The following SPAG16 variants were observed in gnomAD, a reference collection of about 807,000 sequenced individuals.
SPAG16 encodes sperm associated antigen 16.
Under a neutral mutation model 80.4 loss-of-function variants are expected in SPAG16, and 86 were observed. The ratio of observed to expected loss-of-function variants is 1.07; its 90% CI spans 0.90 to 1.28. The LOEUF (loss-of-function observed/expected upper bound fraction) is 1.28, where lower values mean the gene tolerates loss of function less well. Ranked by LOEUF, SPAG16 falls within the 50% of genes most tolerant of loss-of-function variation. SPAG16 has a pLI of 0.00. For missense variants in SPAG16, 870 were observed against 765.3 expected, an observed-to-expected ratio of 1.14 and a Z score of -1.61; for synonymous variants, 294 against 265.9, an observed-to-expected ratio of 1.11 and a Z score of -1.03.
chr2:213,536,110 C>G (rs186638904), intron 10 of SPAG16, among the ~76,000 whole-genome samples: 124 of 152,120 alleles, frequency 8.2e-4, no homozygotes, highest in Admixed American at 1.6e-3. Flanking sequence ...TATTTTGCCT[C>G]TTAAATTTTG....
chr2:214,110,342 G>A (rs1004506056), intron 14 of SPAG16, among the ~76,000 whole-genome samples: 1 of 148,064 alleles, frequency 6.8e-6, no homozygotes, highest in Admixed American at 6.8e-5. Flanking sequence ...CTATGTCCAA[G>A]TGTTCTCATT....
At chr2:214,087,948 T>C (rs779930476) in intron 13 of SPAG16, among the ~76,000 whole-genome samples, 3 of 151,682 alleles carry the variant, frequency 2.0e-5, no homozygotes, top group Non-Finnish European at 4.4e-5. Flanking sequence ...AATTAAAAAA[T>C]AAATGATGCC....
At chr2:214,262,690 G>T (rs905280820) in intron 15 of SPAG16, among the ~76,000 whole-genome samples, 1 of 151,928 alleles carries the variant, frequency 6.6e-6, no homozygotes, top group Non-Finnish European at 1.5e-5. Flanking sequence ...GGTTGACTAA[G>T]TGATTCCAAG....
At chr2:214,324,123 G>A (rs1696304960) in intron 15 of SPAG16, among the ~76,000 whole-genome samples, 1 of 152,110 alleles carries the variant, frequency 6.6e-6, no homozygotes, top group East Asian at 1.9e-4. Context: ...TTAGGACTTT[G>A]CCTCTAGAAT....
intron 10 of SPAG16, among the ~76,000 whole-genome samples, chr2:213,789,548 G>A (rs1483734098): frequency 6.6e-6 from 1 of 151,916 alleles, no homozygotes; most frequent in Non-Finnish European, 1.5e-5. Flanking sequence ...ACCAATTTAT[G>A]TGTTATCTTT....
At chr2:213,994,900 A>G (rs2046444731) in intron 12 of SPAG16, among the ~76,000 whole-genome samples, 1 of 152,336 alleles carries the variant, frequency 6.6e-6, no homozygotes, top group East Asian at 1.9e-4. Context: ...CCACCAGCTC[A>G]CTATCTTATT....
intron 10 of SPAG16, among the ~76,000 whole-genome samples, chr2:213,680,816 A>G (rs942501120): frequency 1.3e-5 from 2 of 152,236 alleles, no homozygotes; most frequent in African/African-American, 4.8e-5. Context: ...GGCATGAGAC[A>G]TCAGTCAAAT....
intron 15 of SPAG16, among the ~76,000 whole-genome samples, chr2:214,337,841 T>C (rs899964625): frequency 1.3e-5 from 2 of 152,198 alleles, no homozygotes; most frequent in Non-Finnish European, 2.9e-5. Flanking sequence ...TTAGGCTTAG[T>C]GTTAAATATT....
At chr2:213,862,780 T>G in intron 11 of SPAG16, 152 bp downstream of exon 11, 1 of 812,410 alleles carries the variant, frequency 1.2e-6, no homozygotes, top group South Asian at 2.1e-5. Flanking sequence ...AATTCCCCTT[T>G]GGTTTTCAGT....
intron 9 of SPAG16, among the ~76,000 whole-genome samples, chr2:213,480,997 G>A (rs1385100076): frequency 6.6e-6 from 1 of 152,152 alleles, no homozygotes; most frequent in Non-Finnish European, 1.5e-5. Flanking sequence ...TTACAAAAAT[G>A]CGTGCTTATT....
chr2:213,403,537 G>A (rs1341401593), intron 9 of SPAG16, among the ~76,000 whole-genome samples: 2 of 152,074 alleles, frequency 1.3e-5, no homozygotes, highest in Non-Finnish European at 2.9e-5. Flanking sequence ...CAATAAATTA[G>A]GTATTGATGG....
intron 8 of SPAG16, among the ~76,000 whole-genome samples, chr2:213,366,212 T>A (rs1426526329): frequency 7.3e-5 from 11 of 150,864 alleles, no homozygotes; most frequent in African/African-American, 2.4e-4. Flanking sequence ...TATATAAAAT[T>A]AAAGTCCCAA....
chr2:213,444,725 G>A (rs1214561564), intron 9 of SPAG16, among the ~76,000 whole-genome samples: 1 of 150,864 alleles, frequency 6.6e-6, no homozygotes, highest in Admixed American at 6.6e-5. Flanking sequence ...TTTTTCATAG[G>A]AAAAGAAAAA....
intron 10 of SPAG16, among the ~76,000 whole-genome samples, chr2:213,502,409 C>G (rs1237615051): frequency 6.6e-6 from 1 of 152,160 alleles, no homozygotes; most frequent in Non-Finnish European, 1.5e-5. Flanking sequence ...AGGCATGAGC[C>G]ACTGCACCTG....
In SPAG16 at chr2:213,468,482, TATATATATGTATTTATATATAG is replaced by T. The variant is rs1559162898; in HGVS notation, c.943-21472_943-21451del. ...ATATCTCTATGTATTTATATATAGA[TATATATATGTATTTATATATAG>T]ATATATATATATCTATGTATTTATA... On this transcript the variant is annotated intron_variant, in intron 9 of 15. Coordinates refer to ENST00000331683, the MANE Select transcript of SPAG16 (RefSeq NM_024532.5). Among the ~76,000 whole-genome samples, 157 of 121,128 alleles carry T rather than the reference TATATATATGTATTTATATATAG, an allele frequency of 1.3e-3. 3 individuals carry two copies. Among genetic ancestry groups the T allele is most frequent in the African/African-American group, 4.9e-3 (147 of 29,980 alleles). The allele number at this position is 121,128 out of a possible 152,430, so 79.5% of individuals were successfully genotyped here.
At chr2:214,171,396 G>C (rs1408966807) in intron 15 of SPAG16, among the ~76,000 whole-genome samples, 1 of 151,772 alleles carries the variant, frequency 6.6e-6, no homozygotes, top group African/African-American at 2.4e-5. Context: ...TTGTTGTTTT[G>C]TTGCACTTTG....
intron 11 of SPAG16, among the ~76,000 whole-genome samples, chr2:213,866,866 T>C (rs538440339): frequency 3.3e-5 from 5 of 152,340 alleles, no homozygotes; most frequent in Admixed American, 2.6e-4. Flanking sequence ...GACTACTTTT[T>C]GTTGAACACT....
At chr2:213,622,441 T>C (rs900537523) in intron 10 of SPAG16, among the ~76,000 whole-genome samples, 2 of 152,214 alleles carry the variant, frequency 1.3e-5, no homozygotes, top group Non-Finnish European at 2.9e-5. Flanking sequence ...TATAAACTCC[T>C]AGTTTTAGTG....
chr2:213,790,977 G>A (rs1241445413), intron 10 of SPAG16, among the ~76,000 whole-genome samples: 1 of 152,008 alleles, frequency 6.6e-6, no homozygotes, highest in African/African-American at 2.4e-5. Context: ...TATTTTAGAT[G>A]AAAATAGCAC....
Sources: gnomAD v4.1 joint callset for allele counts (sites outside exome capture counted in the v4.1 genomes callset) on GRCh38, gnomAD v4.1.1 for gene constraint, MANE v1.5 for transcripts, NCBI Gene and HGNC (gene_info 2026-07-23, HGNC 2026-07-21) for gene names.